The following TARM1 variants were observed in gnomAD, a reference collection of about 807,000 sequenced individuals.
TARM1 encodes the protein T-cell-interacting, activating receptor on myeloid cells protein 1.
A neutral mutation model predicts 30.4 loss-of-function variants in TARM1; 24 were observed. That is an observed-to-expected ratio of 0.79 (90% CI 0.57 to 1.11). TARM1 has a LOEUF of 1.11. TARM1 is among the 50% of genes least tolerant of loss of function. The pLI is 0.00. For missense variants in TARM1, 323 were observed against 332.8 expected, an observed-to-expected ratio of 0.97 and a Z score of 0.23; for synonymous variants, 129 against 138.9, an observed-to-expected ratio of 0.93 and a Z score of 0.50.
At chr19:54,074,307 G>A in intron 3 of TARM1, 91 bp from the exon 4 acceptor site, 1 of 1,236,170 alleles carries the variant, frequency 8.1e-7, no homozygotes. Flanking sequence ...CTCGTGGAGT[G>A]TGGGAAATGA....
intron 1 of TARM1, among the ~76,000 whole-genome samples, chr19:54,078,192 T>C (rs2072008063): frequency 7.4e-6 from 1 of 134,546 alleles, no homozygotes; most frequent in African/African-American, 2.8e-5. Flanking sequence ...TTTTTTTTTT[T>C]TTTTTTTTTT....
chr19:54,074,504 G>T (rs1364193068), intron 3 of TARM1, among the ~76,000 whole-genome samples: 10 of 152,150 alleles, frequency 6.6e-5, no homozygotes, highest in Non-Finnish European at 1.5e-4. Flanking sequence ...CCAACATGGC[G>T]AAACCCTGTC....
chr19:54,077,197 A>G (rs1460484393), intron 1 of TARM1, among the ~76,000 whole-genome samples: 3 of 151,986 alleles, frequency 2.0e-5, no homozygotes, highest in Non-Finnish European at 4.4e-5. Flanking sequence ...CCTGGCCAAC[A>G]TGGTGAAACC....
intron 1 of TARM1, among the ~76,000 whole-genome samples, chr19:54,078,857 T>C (rs1434241502): frequency 1.3e-5 from 2 of 152,120 alleles, no homozygotes; most frequent in Non-Finnish European, 2.9e-5. Context: ...TCCTACAATA[T>C]AGATGTAGCT....
chr19:54,074,562 A>T lies in TARM1; in HGVS notation c.361+262T>A, dbSNP rs1187265549. Among the ~76,000 whole-genome samples, 4 of 152,176 alleles carry T rather than the reference A, an allele frequency of 2.6e-5. 1 individual carries two copies. Among genetic ancestry groups the T allele is most frequent in the Non-Finnish European group, 5.9e-5 (4 of 68,038 alleles). ...GCCGGGCATGGTGGCAGGCACCTGT[A>T]ATCCCAGCTGCTCAGGAGGCTGGAG... On this transcript the variant is annotated intron_variant, in intron 3 of 4. Coordinates refer to ENST00000432826, the MANE Select transcript of TARM1 (RefSeq NM_001135686.3).
chr19:54,076,297 C>A, intron 1 of TARM1: 1 of 1,232,636 alleles, frequency 8.1e-7, no homozygotes, highest in Non-Finnish European at 1.1e-6. Context: ...TTCATTCATT[C>A]CAGAGACAGA....
intron 2 of TARM1, among the ~76,000 whole-genome samples, 156 bp from the exon 3 acceptor site, chr19:54,075,270 C>A (rs986942277): frequency 6.6e-6 from 1 of 151,900 alleles, no homozygotes; most frequent in East Asian, 2.0e-4. Flanking sequence ...TCACTGCAAC[C>A]TCCGTCTCCT....
chr19:54,076,335 T>A (rs587603351), intron 1 of TARM1: 100 of 506,392 alleles, frequency 2.0e-4, no homozygotes, highest in Non-Finnish European at 3.0e-4. Context: ...TTTTTCTTTC[T>A]TTCTTTCTTT....
At chr19:54,080,496 G>GAGGAAGGAAGGGAGGA (rs2072099749) in intron 1 of TARM1, among the ~76,000 whole-genome samples, 1 of 107,394 alleles carries the variant, frequency 9.3e-6, no homozygotes, top group East Asian at 2.6e-4. Flanking sequence ...GGAAGGAAGG[G>GAGGAAGGAAGGGAGGA]AGGAAGGAAG....
chr19:54,077,164 C>T (rs1568507822), intron 1 of TARM1, among the ~76,000 whole-genome samples: 2 of 151,820 alleles, frequency 1.3e-5, no homozygotes, highest in African/African-American at 2.4e-5. Context: ...AGGTGGATCA[C>T]GAGGTCAGGA....
intron 1 of TARM1, among the ~76,000 whole-genome samples, chr19:54,080,437 G>A (rs1195491343): frequency 2.6e-4 from 35 of 132,902 alleles, no homozygotes; most frequent in African/African-American, 9.7e-4. Flanking sequence ...CAGCCTGGGC[G>A]ACAGAGCGAG....
chr19:54,074,996 T>A lies in TARM1; in HGVS notation c.189A>T (p.Gly63=), dbSNP rs1206007507. The A allele has an allele frequency of 6.4e-7, 1 of 1,551,338 alleles. No homozygotes were observed. Among genetic ancestry groups the A allele is most frequent in the Non-Finnish European group, 8.7e-7 (1 of 1,146,966 alleles). ...ARGVSFVLRK[G]GIILESPKPL... The stretch of plus-strand genomic sequence containing the variant: ...GCTTCGGGGACTCCAGAATAATTCC[T>A]CCCTTCCTGAGAACAAAGCTCACAC... The change falls in exon 3 of 5, where the codon GGA becomes GGT. Residue 63 remains glycine, a synonymous_variant. Transcript: ENST00000432826.
At chr19:54,080,155 GC>G (rs2072080314) in intron 1 of TARM1, among the ~76,000 whole-genome samples, 1 of 108,200 alleles carries the variant, frequency 9.2e-6, no homozygotes, top group African/African-American at 3.3e-5. Flanking sequence ...AAGCAAGCAA[GC>G]AAGCAAGCAA....
Position 54,070,155 on chromosome 19 carries a change from G to A in TARM1, c.664C>T (p.Pro222Ser). The A allele has an allele frequency of 1.3e-6, 2 of 1,551,512 alleles. No homozygotes were observed. The highest frequency in any genetic ancestry group is 4.9e-5 in the East Asian group (2 of 40,918). ...DQLEILVTVP[P>S]GTTSSNYSLG... ...GAGTAGTTGCTCGATGTGGTACCTG[G>A]GGGAACTGAAAGAGAGAAGGGGCTC... The change falls in exon 5 of 5, where the codon CCA (proline) becomes TCA (serine). Residue 222 changes from proline (P) to serine (S), a missense_variant. By Grantham distance (74) the Pro-to-Ser change is moderately conservative. Coordinates refer to ENST00000432826, the MANE Select transcript of TARM1 (RefSeq NM_001135686.3).
At position 54,073,912 on chromosome 19, in the gene TARM1, G is replaced by A. The variant is rs189512801; in HGVS notation, c.658+8C>T. On this transcript the variant is annotated splice_region_variant and intron_variant, in intron 4 of 4. Coordinates refer to ENST00000432826, the MANE Select transcript of TARM1 (RefSeq NM_001135686.3). ...CACACAGTTCCTCAAAACCATACAC[G>A]CCCTTACCTGTCACCAATATCTCAA... 9.9e-4 allele frequency: 1,537 copies of A among 1,550,344 alleles called. 12 individuals are homozygous for A. The African/African-American group carries it at 0.017, about 18-fold the overall frequency.
At chr19:54,080,229 C>G (rs2072086669) in intron 1 of TARM1, among the ~76,000 whole-genome samples, 1 of 150,594 alleles carries the variant, frequency 6.6e-6, no homozygotes, top group African/African-American at 2.4e-5. Flanking sequence ...GTAATCCCAG[C>G]ACTTTGGGAG....
intron 1 of TARM1, chr19:54,076,469 TCTC>T: frequency 2.4e-6 from 1 of 421,200 alleles, no homozygotes; most frequent in South Asian, 2.9e-5. Flanking sequence ...TTCAAGTGAT[TCTC>T]CTGCCTCAGC....
At chr19:54,072,150 C>T (rs1010696358) in intron 4 of TARM1, among the ~76,000 whole-genome samples, 47 of 152,240 alleles carry the variant, frequency 3.1e-4, no homozygotes, top group African/African-American at 1.1e-3. Flanking sequence ...GATCGCGCCA[C>T]TGCACTCCAG....
chr19:54,070,686 C>G (rs1399485760), intron 4 of TARM1, among the ~76,000 whole-genome samples: 2 of 151,994 alleles, frequency 1.3e-5, no homozygotes, highest in African/African-American at 4.8e-5. Flanking sequence ...AATCTCAGCT[C>G]ACTACAACCT....
Sources: gnomAD v4.1 joint callset for allele counts (sites outside exome capture counted in the v4.1 genomes callset) on GRCh38, gnomAD v4.1.1 for gene constraint, MANE v1.5 for transcripts, NCBI Gene and HGNC (gene_info 2026-07-23, HGNC 2026-07-21) for gene names.